Variants in FBH1 observed in about 807,000 individuals in gnomAD.
FBH1 encodes the protein DNA 3'-5' helicase 1.
A neutral mutation model predicts 115.5 loss-of-function variants in FBH1; 43 were observed. The ratio of observed to expected loss-of-function variants is 0.37; its 90% CI spans 0.29 to 0.48. FBH1 has a LOEUF of 0.48. Among genes scored for constraint, FBH1 ranks in the 20% least tolerant of loss-of-function variants. The probability of loss-of-function intolerance (pLI) is 0.99; values close to 1 mark genes in which losing one functional copy is unlikely to be tolerated. For missense variants in FBH1, 1,001 were observed against 1,337.3 expected (o/e 0.75, Z 3.92); for synonymous variants, 524 against 507.8 (o/e 1.03, Z -0.43).
intron 1 of FBH1, chr10:5,891,036 A>G: frequency 2.2e-6 from 1 of 449,482 alleles, no homozygotes; most frequent in African/African-American, 2.1e-5. Flanking sequence ...TCCGAAGACA[A>G]CCCTATGAGG....
rs373590165 is a variant in FBH1 at position 5,906,262 on chromosome 10, A to G, written c.383A>G (p.Glu128Gly). 3.1e-6 allele frequency: 5 copies of G among 1,614,172 alleles called. No individual in the cohort carries two copies. Among genetic ancestry groups the G allele is most frequent in the Non-Finnish European group, 4.2e-6 (5 of 1,180,006 alleles). ...TCCAGGAAGCGGTCTTGGTCCTCTGAGGAAGAGAGTAACCAGGCTACCGGG... is the reference window on the plus strand; with the variant it reads ...TCCAGGAAGCGGTCTTGGTCCTCTGGGGAAGAGAGTAACCAGGCTACCGGG... ...PPSRKRSWSS[E>G]EESNQATGTS... Residue 128 changes from glutamate to glycine, a missense_variant, in exon 3 of 21, where the codon GAG becomes GGG. Around this residue, in one of 4 missense-constraint regions of FBH1, gnomAD observed 420 missense variants for 430.4 expected, o/e 0.98. Coordinates refer to ENST00000362091, the MANE Select transcript of FBH1 (RefSeq NM_178150.3). This position sits in a 1 kb window ranked among gnomAD's most constrained non-coding sequence, Gnocchi z 7.3.
chr10:5,921,182 C>A lies in FBH1; in HGVS notation c.2101-76C>A. On this transcript the variant is annotated intron_variant, in intron 13 of 20. Transcript: ENST00000362091. The surrounding 1 kb of genome is among the most constrained non-coding windows in gnomAD (Gnocchi z 6.4). ...ACTTGTAGGGTCTGGCCCGGCCAGG[C>A]TGTGGCAGCAGTGATGGAAATGCAC... is the stretch of plus-strand genomic sequence containing the variant. The A allele has an allele frequency of 2.8e-6, 4 of 1,418,108 alleles. No homozygotes were observed. Among genetic ancestry groups the A allele is most frequent in the Non-Finnish European group, 4.0e-6 (4 of 1,011,080 alleles). The allele number at this position is 1,418,108 out of a possible 1,614,324, so 87.8% of individuals were successfully genotyped here.
Position 5,924,611 on chromosome 10 carries a change from A to G in FBH1, c.2596+103A>G, listed in dbSNP as rs895319723. 1.7e-6 allele frequency: 2 copies of G among 1,198,798 alleles called. No individual in the cohort carries two copies. The highest frequency in any genetic ancestry group is 4.1e-5 in the Admixed American group (2 of 49,154). 74.3% of individuals were successfully genotyped at this position (1,198,798 alleles called of 1,614,324 possible). A position where few individuals can be genotyped will look rare whatever the true frequency, so the allele number is the denominator to read the frequency against. On this transcript the variant is annotated intron_variant, in intron 17 of 20. Transcript: ENST00000362091. This position sits in a 1 kb window ranked among gnomAD's most constrained non-coding sequence, Gnocchi z 6.2. ...GAGACAGAGTATTGCTCTGTTGCCC[A>G]GGCTGGAGTGCAGTGGCGTGATCTT... is the stretch of plus-strand genomic sequence containing the variant.
intron 19 of FBH1, chr10:5,929,285 C>T (rs1832834796): frequency 1.3e-5 from 2 of 152,178 alleles, no homozygotes; most frequent in Admixed American, 6.5e-5. Context: ...CTCTACATGA[C>T]ACATCACAGG....
Position 5,909,075 on chromosome 10 carries a change from T to C in FBH1, c.884+20T>C. 1 of 1,614,062 alleles carries C rather than the reference T, an allele frequency of 6.2e-7. No homozygotes were observed. Among genetic ancestry groups the C allele is most frequent in the Non-Finnish European group, 8.5e-7 (1 of 1,180,026 alleles). ...CATACGGTGAGCTTTGCCTGTGCTG[T>C]AAAGAAGGCGTCTTTGAAGTCTTCC... On this transcript the variant is annotated intron_variant, in intron 4 of 20. Coordinates refer to ENST00000362091, the MANE Select transcript of FBH1 (RefSeq NM_178150.3). This position sits in a 1 kb window ranked among gnomAD's most constrained non-coding sequence, Gnocchi z 4.4.
rs1240668873 is a variant in FBH1 at position 5,931,197 on chromosome 10, C to T, written c.2829+3656C>T. Among the ~76,000 whole-genome samples the T allele has an allele frequency of 6.6e-6, 1 of 152,218 alleles. No homozygotes were observed. Among genetic ancestry groups the T allele is most frequent in the Non-Finnish European group, 1.5e-5 (1 of 68,036 alleles). On this transcript the variant is annotated intron_variant, in intron 19 of 20. Transcript: ENST00000362091. The surrounding 1 kb of genome is among the most constrained non-coding windows in gnomAD (Gnocchi z 4.3). ...CGGAGCTGTCCTGGTGGCCCCTGGC[C>T]ATCCTAGCACCCTCCCTCCTTTCTG... is the stretch of plus-strand genomic sequence containing the variant.
chr10:5,895,900 G>A lies in FBH1; in HGVS notation c.1+5554G>A, dbSNP rs1299754472. Among the ~76,000 whole-genome samples the A allele has an allele frequency of 1.3e-5, 2 of 152,336 alleles. No individual in the cohort carries two copies. Among genetic ancestry groups the A allele is most frequent in the African/African-American group, 4.8e-5 (2 of 41,582 alleles). The stretch of plus-strand genomic sequence containing the variant: ...ATCCACCTGCACGCAGGACTGGGAA[G>A]TATAGCCCAGCTGTGTGCTCAGGGA... On this transcript the variant is annotated intron_variant, in intron 1 of 20. Transcript: ENST00000362091. The surrounding 1 kb of genome is among the most constrained non-coding windows in gnomAD (Gnocchi z 5.0).
intron 1 of FBH1, among the ~76,000 whole-genome samples, chr10:5,891,696 C>T (rs1315591061): frequency 1.3e-5 from 2 of 152,260 alleles, no homozygotes; most frequent in Admixed American, 6.5e-5. Context: ...TGCAACCTCC[C>T]CCTCCCGGGT....
chr10:5,936,666 G>A lies in FBH1; in HGVS notation c.2961+79G>A, dbSNP rs2274031. The A allele has an allele frequency of 0.04, 62,753 of 1,559,034 alleles. 1,841 individuals are homozygous for A. The highest frequency in any genetic ancestry group is 0.13 in the East Asian group (5,573 of 44,038). On this transcript the variant is annotated intron_variant, in intron 20 of 20. Transcript: ENST00000362091. This position sits in a 1 kb window ranked among gnomAD's most constrained non-coding sequence, Gnocchi z 5.6. ...AGCTCTGTGCTTATCTGGGTTGTAGGTGAGGAGATAAGAGAGAGCTGTGTG... is the reference window on the plus strand; with the variant it reads ...AGCTCTGTGCTTATCTGGGTTGTAGATGAGGAGATAAGAGAGAGCTGTGTG...
At chr10:5,891,636 G>GTC (rs1448139410) in intron 1 of FBH1, among the ~76,000 whole-genome samples, 1 of 152,200 alleles carries the variant, frequency 6.6e-6, no homozygotes, top group Non-Finnish European at 1.5e-5. Context: ...TTGAGACAGA[G>GTC]TCTCGCTCTG....
chr10:5,930,295 C>A (rs1015967809), intron 19 of FBH1, among the ~76,000 whole-genome samples: 1 of 152,178 alleles, frequency 6.6e-6, no homozygotes, highest in Non-Finnish European at 1.5e-5. Flanking sequence ...AAGTCAGAGT[C>A]CAAACCAACA....
At chr10:5,898,432 A>G (rs978373232) in intron 1 of FBH1, among the ~76,000 whole-genome samples, 3 of 150,798 alleles carry the variant, frequency 2.0e-5, no homozygotes, top group Non-Finnish European at 4.4e-5. Context: ...TTCTTTTGAG[A>G]CACAATCTCT....
At chr10:5,899,679 C>T (rs1260791857) in intron 1 of FBH1, among the ~76,000 whole-genome samples, 1 of 152,166 alleles carries the variant, frequency 6.6e-6, no homozygotes, top group East Asian at 1.9e-4. Flanking sequence ...TGGGGCACCT[C>T]ACCCAGGATT....
rs7902221 is a variant in FBH1 at position 5,916,503 on chromosome 10, A to G, written c.1788+47A>G. The G allele has an allele frequency of 4.4e-6, 6 of 1,370,666 alleles. No homozygotes were observed. The African/African-American group carries it at 1.0e-4, about 23-fold the overall frequency. The allele number at this position is 1,370,666 out of a possible 1,614,324, so 84.9% of individuals were successfully genotyped here. Reference sequence around the variant, plus strand: ...GTGTTAGGGATCTGAGGATGGGGGAACAGGGGAAGTGTTAGGGATCTGAGG... The same window carrying G: ...GTGTTAGGGATCTGAGGATGGGGGAGCAGGGGAAGTGTTAGGGATCTGAGG... On this transcript the variant is annotated intron_variant, in intron 10 of 20. Transcript: ENST00000362091.
Position 5,894,444 on chromosome 10 carries a change from C to A in FBH1, c.1+4098C>A, listed in dbSNP as rs761084744. The A allele has an allele frequency of 4.0e-5, 63 of 1,562,160 alleles. 1 individual carries two copies. The South Asian group carries it at 6.9e-4, about 17-fold the overall frequency. On this transcript the variant is annotated intron_variant, in intron 1 of 20. Coordinates refer to ENST00000362091, the MANE Select transcript of FBH1 (RefSeq NM_178150.3). ...ATGTCACAGTAGGAAGTGCACTGGA[C>A]TAGGGGAGTCAGGAGACCCGGGTTC...
In FBH1 at chr10:5,915,096, C is replaced by T. The variant is rs143207346; in HGVS notation, c.1397-307C>T. ...TATCCTGAGGGGTCCTTTTTGCCCT[C>T]GGGAACCCTACCTCTAATGGATACC... On this transcript the variant is annotated intron_variant, in intron 8 of 20. Coordinates refer to ENST00000362091, the MANE Select transcript of FBH1 (RefSeq NM_178150.3). The surrounding 1 kb of genome is among the most constrained non-coding windows in gnomAD (Gnocchi z 5.2). Among the ~76,000 whole-genome samples, 23 of 152,218 alleles carry T rather than the reference C, an allele frequency of 1.5e-4. No individual in the cohort carries two copies. Among genetic ancestry groups the T allele is most frequent in the African/African-American group, 5.1e-4 (21 of 41,538 alleles).
Position 5,909,462 on chromosome 10 carries a change from A to G in FBH1, c.1020+168A>G. 1.3e-6 allele frequency: 1 copy of G among 740,976 alleles called. No individual in the cohort carries two copies. Among genetic ancestry groups the G allele is most frequent in the Non-Finnish European group, 2.1e-6 (1 of 477,440 alleles). 45.9% of individuals were successfully genotyped at this position (740,976 alleles called of 1,614,324 possible). On this transcript the variant is annotated intron_variant, in intron 5 of 20. Transcript: ENST00000362091. This position sits in a 1 kb window ranked among gnomAD's most constrained non-coding sequence, Gnocchi z 4.4. The stretch of plus-strand genomic sequence containing the variant: ...GTCATTGTCCCCAGTGGAGAAATAA[A>G]AGGCCATATAATTGTAGAGTCTTAG...
In FBH1 at chr10:5,926,329, G is replaced by A. The variant is rs552437572; in HGVS notation, c.2722+837G>A. On this transcript the variant is annotated intron_variant, in intron 18 of 20. Transcript: ENST00000362091. ...GGGTTTCGCCATGTTGGCCAGTCTGGTCTCGAACTCCTGACTTCAGGTGAT... is the reference window on the plus strand; with the variant it reads ...GGGTTTCGCCATGTTGGCCAGTCTGATCTCGAACTCCTGACTTCAGGTGAT... 3.0e-3 allele frequency among the ~76,000 whole-genome samples: 451 copies of A among 152,114 alleles called. 2 individuals are homozygous for A. The highest frequency in any genetic ancestry group is 9.9e-3 in the African/African-American group (411 of 41,400).
intron 1 of FBH1, among the ~76,000 whole-genome samples, chr10:5,901,276 G>T (rs1005740720): frequency 6.6e-5 from 10 of 152,006 alleles, no homozygotes; most frequent in Non-Finnish European, 1.3e-4. Context: ...ACGTTCAAGC[G>T]ATACTCCTGC....
Sources: gnomAD v4.1 joint callset for allele counts (sites outside exome capture counted in the v4.1 genomes callset) on GRCh38, gnomAD v4.1.1 for gene constraint, gnomAD v4.1.1 regional missense constraint, Gnocchi (gnomAD v3.1) non-coding constraint, MANE v1.5 for transcripts, NCBI Gene and HGNC (gene_info 2026-07-23, HGNC 2026-07-21) for gene names.